The following DPEP1 variants were observed in gnomAD, a reference collection of about 807,000 sequenced individuals.
DPEP1 encodes the protein dipeptidase 1.
DPEP1 carries 50 observed loss-of-function variants against 42.3 expected under a neutral mutation model. The observed-to-expected ratio is 1.18, with a 90% CI of 0.94 to 1.50. The LOEUF (loss-of-function observed/expected upper bound fraction) is 1.50, where lower values mean the gene tolerates loss of function less well. Among genes scored for constraint, DPEP1 ranks in the 40% most tolerant of loss-of-function variants. The pLI, the probability that DPEP1 is intolerant of heterozygous loss-of-function variation, is 0.00. For missense variants in DPEP1, 663 were observed against 553.0 expected (o/e 1.20, Z -1.99); for synonymous variants, 297 against 234.0 (o/e 1.27, Z -2.46).
At chr16:89,616,082 A>G (rs1418642829) in intron 1 of DPEP1, among the ~76,000 whole-genome samples, 1 of 151,058 alleles carries the variant, frequency 6.6e-6, no homozygotes, top group Admixed American at 6.6e-5. Context: ...CAAAAAAAAA[A>G]CACAAAAAGT....
At chr16:89,628,707 G>A (rs1384874747) in intron 1 of DPEP1, among the ~76,000 whole-genome samples, 2 of 152,148 alleles carry the variant, frequency 1.3e-5, no homozygotes, top group East Asian at 3.9e-4. Context: ...GCAGAACATG[G>A]ATGTTCTCAG....
rs1285193344 is a variant in DPEP1, at chr16:89,630,313, G to A, written c.-98G>A. On this transcript the variant is annotated 5_prime_UTR_variant, in exon 2 of 11. Transcript: ENST00000690203. Reference sequence around the variant, plus strand: ...GGTGCCTCTCCTGGCAGGCAGAGTGGCTCCTCACAGCCTGAAGCTCATCCT... The same window carrying A: ...GGTGCCTCTCCTGGCAGGCAGAGTGACTCCTCACAGCCTGAAGCTCATCCT... 3.8e-5 allele frequency: 35 copies of A among 919,642 alleles called. No individual in the cohort carries two copies. Among genetic ancestry groups the A allele is most frequent in the Non-Finnish European group, 5.9e-5 (35 of 592,880 alleles). The allele number at this position is 919,642 out of a possible 1,614,324, so 57.0% of individuals were successfully genotyped here. A position where few individuals can be genotyped will look rare whatever the true frequency, so the allele number is the denominator to read the frequency against.
chr16:89,623,402 A>G (rs2151482829), intron 1 of DPEP1, among the ~76,000 whole-genome samples: 1 of 152,306 alleles, frequency 6.6e-6, no homozygotes, highest in South Asian at 2.1e-4. Flanking sequence ...CACATACGGC[A>G]CGGCCCACCT....
chr16:89,621,637 G>A (rs1040010518), intron 1 of DPEP1, among the ~76,000 whole-genome samples: 2 of 152,220 alleles, frequency 1.3e-5, no homozygotes, highest in African/African-American at 4.8e-5. Flanking sequence ...TGGGCCCCAC[G>A]CTGAGTGTGG....
chr16:89,627,538 G>A (rs1024211889), intron 1 of DPEP1, among the ~76,000 whole-genome samples: 9 of 148,232 alleles, frequency 6.1e-5, no homozygotes, highest in Admixed American at 4.7e-4. Context: ...TTGTGCCACC[G>A]CACTCCAGCC....
At chr16:89,617,616 G>C (rs1296628863) in intron 1 of DPEP1, among the ~76,000 whole-genome samples, 1 of 151,990 alleles carries the variant, frequency 6.6e-6, no homozygotes, top group African/African-American at 2.4e-5. Flanking sequence ...GGGAGGCCGG[G>C]CGCGGCGGCT....
At chr16:89,618,721 C>T (rs2059406518) in intron 1 of DPEP1, among the ~76,000 whole-genome samples, 1 of 152,072 alleles carries the variant, frequency 6.6e-6, no homozygotes, top group Non-Finnish European at 1.5e-5. Flanking sequence ...TGGTCTCAGA[C>T]TCCTGAGCTT....
At chr16:89,635,627 G>C (rs2059667180) in intron 2 of DPEP1, among the ~76,000 whole-genome samples, 1 of 152,178 alleles carries the variant, frequency 6.6e-6, no homozygotes, top group Non-Finnish European at 1.5e-5. Flanking sequence ...CTGCCCCCCA[G>C]CCTCCTCCAC....
Position 89,637,261 on chromosome 16 carries a change from G to T in DPEP1, c.649G>T (p.Val217Leu). The T allele has an allele frequency of 6.2e-7, 1 of 1,612,764 alleles. No individual in the cohort carries two copies. The highest frequency in any genetic ancestry group is 1.1e-5 in the South Asian group (1 of 91,086). ...CCTCATCGACTTGGCTCACGTGTCT[G>T]TGGCCACCATGAAGGCCACCCTGCA... The part of the protein sequence containing the change: ...GVLIDLAHVS[V>L]ATMKATLQLS... The change falls in exon 7 of 11, where the codon GTG becomes TTG. Residue 217 changes from valine (V) to leucine (L), a missense_variant. Transcript: ENST00000690203.
Position 89,638,303 on chromosome 16 carries a change from G to A in DPEP1, c.*81G>A. On this transcript the variant is annotated 3_prime_UTR_variant, in exon 11 of 11. Transcript: ENST00000690203. ...CATCCCAGGACTCCAGATGCCAGGAGCCCTGCTGCCCACATGCAAGGACCA... is the reference window on the plus strand; with the variant it reads ...CATCCCAGGACTCCAGATGCCAGGAACCCTGCTGCCCACATGCAAGGACCA... 2.1e-6 allele frequency: 3 copies of A among 1,455,224 alleles called. No individual in the cohort carries two copies. Among genetic ancestry groups the A allele is most frequent in the Non-Finnish European group, 1.8e-6 (2 of 1,106,068 alleles). The allele number at this position is 1,455,224 out of a possible 1,614,324, so 90.1% of individuals were successfully genotyped here.
chr16:89,624,070 A>G (rs1459707884), intron 1 of DPEP1, among the ~76,000 whole-genome samples: 1 of 152,118 alleles, frequency 6.6e-6, no homozygotes, highest in Non-Finnish European at 1.5e-5. Context: ...GCACATCCAG[A>G]GAAACTACTG....
intron 1 of DPEP1, among the ~76,000 whole-genome samples, chr16:89,624,614 A>C (rs1490003168): frequency 1.3e-5 from 2 of 151,736 alleles, no homozygotes; most frequent in Non-Finnish European, 2.9e-5. Context: ...GGCTCACTGC[A>C]ACCTCTGCCT....
intron 1 of DPEP1, among the ~76,000 whole-genome samples, chr16:89,627,956 T>A (rs983998242): frequency 6.6e-6 from 1 of 152,134 alleles, no homozygotes; most frequent in Admixed American, 6.5e-5. Flanking sequence ...GGAGTCTCGC[T>A]CTTTCGCCCA....
rs116349336 is a variant in DPEP1, at chr16:89,624,492, G to A, written c.-106-5813G>A. 3.8e-3 allele frequency among the ~76,000 whole-genome samples: 584 copies of A among 152,082 alleles called. 4 individuals are homozygous for A. The highest frequency in any genetic ancestry group is 0.014 in the African/African-American group (563 of 41,500). On this transcript the variant is annotated intron_variant, in intron 1 of 10. Coordinates refer to ENST00000690203, the MANE Select transcript of DPEP1 (RefSeq NM_001389466.1). ...GGGATTTATTAAAGCGAGAAAGGTCGGGAGTGGGGTGAGAGGGGCGCTGTT... is the reference window on the plus strand; with the variant it reads ...GGGATTTATTAAAGCGAGAAAGGTCAGGAGTGGGGTGAGAGGGGCGCTGTT...
chr16:89,627,349 G>A (rs969851762), intron 1 of DPEP1, among the ~76,000 whole-genome samples: 4 of 151,330 alleles, frequency 2.6e-5, no homozygotes, highest in African/African-American at 7.3e-5. Flanking sequence ...GTGGGAGGCC[G>A]AGGAGGGCAC....
At chr16:89,620,857 T>C (rs1293110532) in intron 1 of DPEP1, 1 of 152,308 alleles carries the variant, frequency 6.6e-6, no homozygotes, top group Non-Finnish European at 1.5e-5. Flanking sequence ...CCCAGGGCTG[T>C]AATGAGGGCG....
chr16:89,629,106 C>T (rs1334441969), intron 1 of DPEP1, among the ~76,000 whole-genome samples: 2 of 152,118 alleles, frequency 1.3e-5, no homozygotes, highest in East Asian at 1.9e-4. Flanking sequence ...GGATTATAGG[C>T]GTGAATGACT....
chr16:89,625,206 G>A (rs766304031), intron 1 of DPEP1, among the ~76,000 whole-genome samples: 3 of 151,978 alleles, frequency 2.0e-5, no homozygotes, highest in South Asian at 2.1e-4. Context: ...ACAAATTAGC[G>A]TCCCATTCCC....
At chr16:89,614,167 G>A (rs984690244) in intron 1 of DPEP1, among the ~76,000 whole-genome samples, 2 of 152,066 alleles carry the variant, frequency 1.3e-5, no homozygotes, top group African/African-American at 2.4e-5. Context: ...TCTCAGACCC[G>A]CCGCTGTCCT....
Sources: allele counts gnomAD v4.1 joint callset (sites outside exome capture counted in the v4.1 genomes callset), GRCh38; gene constraint gnomAD v4.1.1; transcripts MANE v1.5; gene names NCBI Gene and HGNC (gene_info 2026-07-23, HGNC 2026-07-21).